The following ZKSCAN3 variants were observed in gnomAD, a reference collection of about 807,000 sequenced individuals.
ZKSCAN3 encodes zinc finger protein with KRAB and SCAN domains 3.
Under a neutral mutation model 30.7 loss-of-function variants are expected in ZKSCAN3, and 21 were observed. The observed-to-expected ratio is 0.68, with a 90% CI of 0.49 to 0.99. The LOEUF (loss-of-function observed/expected upper bound fraction) is 0.99. Ranked by LOEUF, ZKSCAN3 falls within the 50% of genes least tolerant of loss-of-function variation. ZKSCAN3 has a pLI of 0.00. For missense variants in ZKSCAN3, 507 were observed against 647.1 expected (o/e 0.78, Z 2.35); for synonymous variants, 201 against 246.7 (o/e 0.81, Z 1.73).
Position 28,366,811 on chromosome 6 carries a change from G to A in ZKSCAN3, c.*526G>A, listed in dbSNP as rs1228435958. On this transcript the variant is annotated 3_prime_UTR_variant, in exon 6 of 6. Coordinates refer to ENST00000252211, the MANE Select transcript of ZKSCAN3 (RefSeq NM_024493.4). ...TATCCAGGTTTCTGAAGAACTTCTCGCCAAGGCCATTTGTGCTTGTGTCCA... is the reference window on the plus strand; with the variant it reads ...TATCCAGGTTTCTGAAGAACTTCTCACCAAGGCCATTTGTGCTTGTGTCCA... 2 of 152,672 alleles carry A rather than the reference G, an allele frequency of 1.3e-5. No individual in the cohort carries two copies. The highest frequency in any genetic ancestry group is 2.9e-5 in the Non-Finnish European group (2 of 68,198). 9.5% of individuals were successfully genotyped at this position (152,672 alleles called of 1,614,324 possible).
intron 3 of ZKSCAN3, among the ~76,000 whole-genome samples, chr6:28,362,479 C>A (rs1422728694): frequency 6.6e-6 from 1 of 152,100 alleles, no homozygotes; most frequent in Non-Finnish European, 1.5e-5. Context: ...TGTACAAGTT[C>A]CCAAGATATA....
At chr6:28,350,591 T>C (rs1257043988) in intron 1 of ZKSCAN3, among the ~76,000 whole-genome samples, 1 of 152,210 alleles carries the variant, frequency 6.6e-6, no homozygotes, top group Non-Finnish European at 1.5e-5. Flanking sequence ...TTGTGAGGAT[T>C]GAATGCATTC....
intron 5 of ZKSCAN3, among the ~76,000 whole-genome samples, chr6:28,364,738 T>A (rs1018911122): frequency 6.6e-6 from 1 of 152,114 alleles, no homozygotes; most frequent in Non-Finnish European, 1.5e-5. Flanking sequence ...TTTATTTCTT[T>A]TGTTTTTGAG....
In ZKSCAN3 at chr6:28,362,910, C is replaced by T. The variant is rs213229; in HGVS notation, c.551-393C>T. On this transcript the variant is annotated intron_variant, in intron 3 of 5. Transcript: ENST00000252211. ...CTATCTCTAGCAAAATTCAAAGGATCTTCAGATGGAAAGCTTTTTTGTTTT... is the reference window on the plus strand; with the variant it reads ...CTATCTCTAGCAAAATTCAAAGGATTTTCAGATGGAAAGCTTTTTTGTTTT... Among the ~76,000 whole-genome samples, 989 of 152,298 alleles carry T rather than the reference C, an allele frequency of 6.5e-3. 3 individuals are homozygous for T. The highest frequency in any genetic ancestry group is 0.019 in the African/African-American group (773 of 41,570).
At chr6:28,354,047 C>CT (rs1452020126) in intron 1 of ZKSCAN3, 1 of 430,434 alleles carries the variant, frequency 2.3e-6, no homozygotes, top group Non-Finnish European at 4.7e-6. Flanking sequence ...GACCGCAGCC[C>CT]TTCTCAGCAA....
At chr6:28,363,911 G>A in intron 5 of ZKSCAN3, 96 bp downstream of exon 5, 1 of 1,478,094 alleles carries the variant, frequency 6.8e-7, no homozygotes, top group Non-Finnish European at 9.1e-7. Context: ...GCCCTGTTAT[G>A]TTTGGATTCA....
At chr6:28,357,908 T>G (rs1229774928) in intron 1 of ZKSCAN3, among the ~76,000 whole-genome samples, 1 of 152,188 alleles carries the variant, frequency 6.6e-6, no homozygotes, top group Non-Finnish European at 1.5e-5. Flanking sequence ...GTTATGCCAG[T>G]TTTTTGGGCA....
At chr6:28,350,265 T>G (rs1368348799) in intron 1 of ZKSCAN3, 198 bp downstream of exon 1, 1 of 152,126 alleles carries the variant, frequency 6.6e-6, no homozygotes. Flanking sequence ...GGGTGTCCCT[T>G]GTTTAGGGCC....
intron 4 of ZKSCAN3, 95 bp from the exon 5 acceptor site, chr6:28,363,597 G>T (rs989441870): frequency 1.3e-6 from 2 of 1,577,350 alleles, no homozygotes; most frequent in African/African-American, 2.7e-5. Context: ...ATTACTAGCT[G>T]TTGGCAGGAA....
rs1346021817 is a variant in ZKSCAN3 at position 28,368,086 on chromosome 6, G to A, written c.*1801G>A. On this transcript the variant is annotated 3_prime_UTR_variant, in exon 6 of 6. Transcript: ENST00000252211. ...GATGTTCCCCTTCCTGTGTCCAAGT[G>A]TTCTCCTTATTCAATTCCCACCTAT... The A allele has an allele frequency of 7.2e-6, 1 of 139,044 alleles. No homozygotes were observed. Among genetic ancestry groups the A allele is most frequent in the Non-Finnish European group, 1.5e-5 (1 of 66,570 alleles). The allele number at this position is 139,044 out of a possible 1,614,324, so 8.6% of individuals were successfully genotyped here. A position where few individuals can be genotyped will look rare whatever the true frequency, so the allele number is the denominator to read the frequency against.
At chr6:28,358,218 A>G (rs891703516) in intron 1 of ZKSCAN3, among the ~76,000 whole-genome samples, 2 of 152,092 alleles carry the variant, frequency 1.3e-5, no homozygotes, top group Non-Finnish European at 2.9e-5. Flanking sequence ...GAGTCTCTGC[A>G]CTGTTGCCTA....
At chr6:28,355,291 G>A (rs1765347839) in intron 1 of ZKSCAN3, 1 of 152,210 alleles carries the variant, frequency 6.6e-6, no homozygotes, top group African/African-American at 2.4e-5. Flanking sequence ...TGCCATCCCA[G>A]TGTGTGGGTT....
At position 28,361,339 on chromosome 6, in the gene ZKSCAN3, C is replaced by T. The variant is rs1765761329; in HGVS notation, c.418C>T (p.Gln140Ter). The stretch of plus-strand genomic sequence containing the variant: ...TGATTTCTAGGTTTCAGGTGTTGAC[C>T]AGGGGCAAGAACTGCTCTGTTGCAA... Reference protein sequence around the residue: ...EPAPQVSGVDQGQELLCCKMA... With the variant: ...EPAPQVSGVD The change falls in exon 3 of 6, where the codon CAG (glutamine) becomes TAG (stop). Residue 140 changes from glutamine to a stop codon, truncating the protein, a stop_gained. Coordinates refer to ENST00000252211, the MANE Select transcript of ZKSCAN3 (RefSeq NM_024493.4). LOFTEE classifies it high-confidence loss of function. The T allele has an allele frequency of 6.2e-7, 1 of 1,611,644 alleles. No homozygotes were observed. Among genetic ancestry groups the T allele is most frequent in the African/African-American group, 1.3e-5 (1 of 74,774 alleles).
rs765796803 is a variant in ZKSCAN3 at position 28,359,803 on chromosome 6, C to T, written c.217C>T (p.Gln73Ter). The T allele has an allele frequency of 6.2e-7, 1 of 1,614,230 alleles. No individual in the cohort carries two copies. The highest frequency in any genetic ancestry group is 8.5e-7 in the Non-Finnish European group (1 of 1,180,050). ...GAGTCGGCTCCGAGAGCTCTGCCGA[C>T]AGTGGCTGCAGCCTGAGATGCACAG... is the stretch of plus-strand genomic sequence containing the variant. Reference protein sequence around the residue: ...ALSRLRELCRQWLQPEMHSKE... With the variant: ...ALSRLRELCR The change falls in exon 2 of 6, where the codon CAG becomes TAG. Residue 73 changes from glutamine to a stop codon, truncating the protein, a stop_gained. Coordinates refer to ENST00000252211, the MANE Select transcript of ZKSCAN3 (RefSeq NM_024493.4). LOFTEE classifies it high-confidence loss of function.
chr6:28,358,899 G>GAAAAAAAAAAAAAAAAAAAAAAAAAAAAA (rs201554097), intron 1 of ZKSCAN3, among the ~76,000 whole-genome samples: 1 of 106,076 alleles, frequency 9.4e-6, no homozygotes, highest in Non-Finnish European at 2.0e-5. Context: ...AAACAAATAA[G>GAAAAAAAAAAAAAAAAAAAAAAAAAAAAA]AAAAAAAAAA....
Position 28,368,714 on chromosome 6 carries a change from T to C in ZKSCAN3, c.*2429T>C, listed in dbSNP as rs190538450. ...GGCTTCAGTCGCAGCTCAGGTCTTA[T>C]CAAACACCAGAGAACCCTCAATGGG... is the stretch of plus-strand genomic sequence containing the variant. On this transcript the variant is annotated 3_prime_UTR_variant, in exon 6 of 6. Transcript: ENST00000252211. The C allele has an allele frequency of 1.9e-5, 3 of 155,468 alleles. No individual in the cohort carries two copies. Among genetic ancestry groups the C allele is most frequent in the African/African-American group, 7.2e-5 (3 of 41,640 alleles). The allele number at this position is 155,468 out of a possible 1,614,324, so 9.6% of individuals were successfully genotyped here.
chr6:28,359,576 C>G lies in ZKSCAN3; in HGVS notation c.-11C>G, dbSNP rs1765644489. On this transcript the variant is annotated 5_prime_UTR_variant, in exon 2 of 6. Transcript: ENST00000252211. ...AGCTAGAGTGAGGCCTGAGTACTGC[C>G]TTGGCCTAGGATGGCTAGAGAATTA... The G allele has an allele frequency of 2.5e-6, 4 of 1,611,886 alleles. No homozygotes were observed. In the East Asian group the frequency reaches 8.9e-5, roughly 36 times the overall value.
intron 4 of ZKSCAN3, 78 bp from the exon 5 acceptor site, chr6:28,363,614 C>T (rs2113927494): frequency 4.4e-6 from 7 of 1,599,744 alleles, no homozygotes; most frequent in Admixed American, 3.4e-5. Context: ...GGAATGGGGC[C>T]TGGGGGTGCT....
Position 28,356,873 on chromosome 6 carries a change from C to T in ZKSCAN3, c.-62-2652C>T, listed in dbSNP as rs558356558. Among the ~76,000 whole-genome samples the T allele has an allele frequency of 1.3e-4, 20 of 152,356 alleles. No homozygotes were observed. The South Asian group carries it at 2.9e-3, about 22-fold the overall frequency. On this transcript the variant is annotated intron_variant, in intron 1 of 5. Coordinates refer to ENST00000252211, the MANE Select transcript of ZKSCAN3 (RefSeq NM_024493.4). ...ACAGCTCATGCTGTGGCTGCATAGC[C>T]GCTCCGGGAGCCTGGGGGCTGAAGA...
Sources: gnomAD v4.1 joint callset for allele counts (sites outside exome capture counted in the v4.1 genomes callset) on GRCh38, gnomAD v4.1.1 for gene constraint, MANE v1.5 for transcripts, NCBI Gene and HGNC (gene_info 2026-07-23, HGNC 2026-07-21) for gene names.